The following ZBED4 variants were observed in gnomAD, a reference collection of about 807,000 sequenced individuals.
ZBED4 encodes zinc finger BED-type containing 4, also known as zinc finger BED domain-containing protein 4.
Under a neutral mutation model 15.5 loss-of-function variants are expected in ZBED4, and 4 were observed. The observed-to-expected ratio is 0.26, with a 90% CI of 0.13 to 0.59. ZBED4 has a LOEUF of 0.59. Ranked by LOEUF, ZBED4 falls within the 20% of genes least tolerant of loss-of-function variation. ZBED4 has a pLI of 0.90. For missense variants in ZBED4, 1,323 were observed against 1,461.8 expected (o/e 0.91, Z 1.55); for synonymous variants, 692 against 608.5 (o/e 1.14, Z -2.02).
intron 1 of ZBED4, among the ~76,000 whole-genome samples, chr22:49,859,140 C>A (rs1018903308): frequency 6.6e-6 from 1 of 152,078 alleles, no homozygotes; most frequent in East Asian, 1.9e-4. Flanking sequence ...GGCAGTGGCA[C>A]CTTGGCTTTA....
At chr22:49,853,313 C>T (rs1269552075), upstream of ZBED4, 1 of 152,500 alleles carries the variant, frequency 6.6e-6, no homozygotes, top group African/African-American at 2.4e-5. Context: ...GCGTTAATCC[C>T]GTCCCCCGGG....
rs763137850 is a variant in ZBED4 at position 49,855,948 on chromosome 22, C to T, written c.-330+1959C>T. Among the ~76,000 whole-genome samples, 39 of 152,340 alleles carry T rather than the reference C, an allele frequency of 2.6e-4. 1 individual carries two copies. Among genetic ancestry groups the T allele is most frequent in the Middle Eastern group, 6.8e-3 (2 of 294 alleles). On this transcript the variant is annotated intron_variant, in intron 1 of 1. Coordinates refer to ENST00000216268, the MANE Select transcript of ZBED4 (RefSeq NM_014838.3). ...AAGTCACTGTGCCTTTAGCCCGTGACACCCCTTAGCGGTTTGGTTTTGGCT... is the reference window on the plus strand; with the variant it reads ...AAGTCACTGTGCCTTTAGCCCGTGATACCCCTTAGCGGTTTGGTTTTGGCT...
chr22:49,885,358 C>A lies in ZBED4; in HGVS notation c.1696C>A (p.His566Asn). 1 of 1,588,632 alleles carries A rather than the reference C, an allele frequency of 6.3e-7. No homozygotes were observed. The highest frequency in any genetic ancestry group is 8.6e-7 in the Non-Finnish European group (1 of 1,164,600). The change falls in exon 2 of 2, where the codon CAT becomes AAT. Residue 566 changes from histidine (H) to asparagine (N), a missense_variant. Around this residue, in one of 6 missense-constraint regions of ZBED4, gnomAD observed 429 missense variants for 397.9 expected, o/e 1.08. Transcript: ENST00000216268. ...CAAAAAGACCTCGAAGCTGTGGAAT[C>A]ATTTTTCTATTTGCTCCGCAGACTC... is the stretch of plus-strand genomic sequence containing the variant. ...NSKKTSKLWN[H>N]FSICSADSTK...
At chr22:49,869,236 G>A (rs1350455717) in intron 1 of ZBED4, among the ~76,000 whole-genome samples, 5 of 152,094 alleles carry the variant, frequency 3.3e-5, no homozygotes, top group Non-Finnish European at 5.9e-5. Context: ...TTTGATTCAC[G>A]TACACACATG....
rs759274549 is a variant in ZBED4 at position 49,885,609 on chromosome 22, C to T, written c.1947C>T (p.Tyr649=). The stretch of plus-strand genomic sequence containing the variant: ...TTGATGACACCAATGAGAAGTTTTA[C>T]GATTCTCACCCAGTTGCCAAAAAAA... ...SSFDDTNEKF[Y]DSHPVAKKIT... is the part of the protein sequence containing the mutation. Residue 649 remains tyrosine, a synonymous_variant, in exon 2 of 2, where the codon TAC becomes TAT. Transcript: ENST00000216268. 1.7e-5 allele frequency: 27 copies of T among 1,609,822 alleles called. No individual in the cohort carries two copies. Among genetic ancestry groups the T allele is most frequent in the Admixed American group, 5.0e-5 (3 of 59,648 alleles).
At chr22:49,871,086 G>T (rs2060345007) in intron 1 of ZBED4, among the ~76,000 whole-genome samples, 1 of 149,598 alleles carries the variant, frequency 6.7e-6, no homozygotes, top group African/African-American at 2.5e-5. Flanking sequence ...GATTACAGGT[G>T]TGCACCACAA....
In ZBED4 at chr22:49,884,865, G is replaced by C. The variant is rs1264576883; in HGVS notation, c.1203G>C (p.Leu401Phe). 1.9e-6 allele frequency: 3 copies of C among 1,608,124 alleles called. No individual in the cohort carries two copies. Among genetic ancestry groups the C allele is most frequent in the Non-Finnish European group, 2.6e-6 (3 of 1,175,754 alleles). The change falls in exon 2 of 2, where the codon TTG becomes TTC. Residue 401 changes from leucine to phenylalanine, a missense_variant. Coordinates refer to ENST00000216268, the MANE Select transcript of ZBED4 (RefSeq NM_014838.3). ...DRLTEDLQSH[L>F]NPGDGLMEDV... Reference sequence around the variant, plus strand: ...TGACTGAGGACTTGCAGTCTCACTTGAACCCTGGAGATGGGCTGATGGAAG... The same window carrying C: ...TGACTGAGGACTTGCAGTCTCACTTCAACCCTGGAGATGGGCTGATGGAAG...
chr22:49,885,218 G>C lies in ZBED4; in HGVS notation c.1556G>C (p.Ser519Thr), dbSNP rs759390898. The C allele has an allele frequency of 2.5e-6, 4 of 1,613,592 alleles. No homozygotes were observed. The highest frequency in any genetic ancestry group is 3.4e-6 in the Non-Finnish European group (4 of 1,179,712). ...VGSQKGFLGA[S>T]LANSPYATLA... The stretch of plus-strand genomic sequence containing the variant: ...AGCCAGAAGGGCTTCCTGGGTGCAA[G>C]TCTGGCAAACTCTCCGTATGCCACT... Residue 519 changes from serine to threonine, a missense_variant, in exon 2 of 2, where the codon AGT becomes ACT. This residue lies in a region of ZBED4 where 429 missense variants were observed against 397.9 expected (regional missense o/e 1.08). Coordinates refer to ENST00000216268, the MANE Select transcript of ZBED4 (RefSeq NM_014838.3).
intron 1 of ZBED4, among the ~76,000 whole-genome samples, chr22:49,877,576 A>G (rs2060384022): frequency 6.6e-6 from 1 of 152,116 alleles, no homozygotes; most frequent in Non-Finnish European, 1.5e-5. Context: ...TACAGGTGTG[A>G]GCCACCACGC....
Sources: allele counts gnomAD v4.1 joint callset (sites outside exome capture counted in the v4.1 genomes callset), GRCh38; gene constraint gnomAD v4.1.1; regional missense constraint gnomAD v4.1.1; transcripts MANE v1.5; gene names NCBI Gene and HGNC (gene_info 2026-07-23, HGNC 2026-07-21).